PDSS2: variants seen among roughly 807,000 people sequenced by gnomAD.
The protein encoded by PDSS2 is decaprenyl diphosphate synthase subunit 2.
In PDSS2, 31 loss-of-function variants were observed where a neutral mutation model predicts 44.5. The observed-to-expected ratio is 0.70, with a 90% CI of 0.52 to 0.94. PDSS2 has a LOEUF of 0.94. PDSS2 is among the 40% of genes least tolerant of loss of function. PDSS2 has a pLI of 0.00. For missense variants in PDSS2, 452 were observed against 482.2 expected, an observed-to-expected ratio of 0.94 and a Z score of 0.59; for synonymous variants, 157 against 180.3, an observed-to-expected ratio of 0.87 and a Z score of 1.03.
At chr6:107,171,284 C>G (rs1438322365) in intron 7 of PDSS2, among the ~76,000 whole-genome samples, 1 of 152,062 alleles carries the variant, frequency 6.6e-6, no homozygotes, top group African/African-American at 2.4e-5. Context: ...ACTTTAGCCT[C>G]CTGAGTAGCT....
At chr6:107,209,466 T>C (rs534062142) in intron 6 of PDSS2, among the ~76,000 whole-genome samples, 23 of 152,010 alleles carry the variant, frequency 1.5e-4, no homozygotes, top group Admixed American at 1.4e-3. Context: ...TTGGTGAATA[T>C]GAGGAATTTT....
chr6:107,298,993 T>C (rs1005388727), intron 2 of PDSS2, among the ~76,000 whole-genome samples: 7 of 151,726 alleles, frequency 4.6e-5, no homozygotes, highest in African/African-American at 1.7e-4. Flanking sequence ...AATACAAAAA[T>C]TAGCTGGTGT....
intron 1 of PDSS2, among the ~76,000 whole-genome samples, chr6:107,351,014 A>C (rs1327580329): frequency 6.6e-6 from 1 of 152,186 alleles, no homozygotes; most frequent in African/African-American, 2.4e-5. Context: ...AGAAACTAGG[A>C]ATTATACACA....
chr6:107,344,936 A>G lies in PDSS2; in HGVS notation c.297-10604T>C, dbSNP rs191595725. On this transcript the variant is annotated intron_variant, in intron 1 of 7. Transcript: ENST00000369037. ...GGAAAATAGGGCCATTTAAAAAGTAATATTTAGTCACACTGAAAACTCTCA... is the reference window on the plus strand; with the variant it reads ...GGAAAATAGGGCCATTTAAAAAGTAGTATTTAGTCACACTGAAAACTCTCA... 3.3e-4 allele frequency among the ~76,000 whole-genome samples: 51 copies of G among 152,282 alleles called. 1 individual carries two copies. The highest frequency in any genetic ancestry group is 2.8e-3 in the Admixed American group (43 of 15,294).
intron 1 of PDSS2, among the ~76,000 whole-genome samples, chr6:107,449,287 A>T (rs1229920973): frequency 1.3e-5 from 2 of 152,218 alleles, no homozygotes; most frequent in South Asian, 2.1e-4. Context: ...TAGACTTTTT[A>T]AAAAATTGGG....
At chr6:107,218,894 C>T (rs1773505069) in intron 4 of PDSS2, among the ~76,000 whole-genome samples, 1 of 152,048 alleles carries the variant, frequency 6.6e-6, no homozygotes. Context: ...TTTGTCTCTA[C>T]TAAAAATGCA....
At chr6:107,212,809 C>T (rs577930975) in intron 4 of PDSS2, among the ~76,000 whole-genome samples, 50 of 145,614 alleles carry the variant, frequency 3.4e-4, no homozygotes, top group African/African-American at 1.2e-3. Flanking sequence ...AGTTCGAGAC[C>T]AGCCTGGGCA....
intron 1 of PDSS2, among the ~76,000 whole-genome samples, chr6:107,370,451 CCAAA>C (rs568310085): frequency 6.6e-6 from 1 of 152,172 alleles, no homozygotes; most frequent in African/African-American, 2.4e-5. Context: ...AAGAATTTCA[CCAAA>C]CAAAGCTTCT....
chr6:107,281,532 C>T (rs1178390563), intron 2 of PDSS2, among the ~76,000 whole-genome samples: 1 of 152,168 alleles, frequency 6.6e-6, no homozygotes, highest in Non-Finnish European at 1.5e-5. Flanking sequence ...CAGAGACAGT[C>T]CTGTATCATT....
intron 3 of PDSS2, among the ~76,000 whole-genome samples, chr6:107,252,704 G>A (rs1225595460): frequency 6.6e-6 from 1 of 152,172 alleles, no homozygotes; most frequent in Non-Finnish European, 1.5e-5. Flanking sequence ...CGAGGTGGGA[G>A]GATCACTTGA....
chr6:107,312,189 T>G (rs1017883075), intron 2 of PDSS2, among the ~76,000 whole-genome samples: 3 of 152,206 alleles, frequency 2.0e-5, no homozygotes, highest in Admixed American at 6.5e-5. Flanking sequence ...CTCCCTTCCT[T>G]GGTATCCTAC....
At chr6:107,367,382 C>T (rs997676410) in intron 1 of PDSS2, among the ~76,000 whole-genome samples, 1 of 152,102 alleles carries the variant, frequency 6.6e-6, no homozygotes, top group African/African-American at 2.4e-5. Flanking sequence ...AAAAACCTAC[C>T]ACTAACATAA....
intron 7 of PDSS2, among the ~76,000 whole-genome samples, chr6:107,165,189 T>C (rs1771297540): frequency 6.6e-6 from 1 of 152,184 alleles, no homozygotes; most frequent in South Asian, 2.1e-4. Flanking sequence ...TTTGTCAATT[T>C]TGGCTTTTGT....
At chr6:107,234,276 G>A (rs1261233647) in intron 4 of PDSS2, among the ~76,000 whole-genome samples, 1 of 151,736 alleles carries the variant, frequency 6.6e-6, no homozygotes, top group Admixed American at 6.6e-5. Context: ...TGCCATCTCG[G>A]CTCACTGCAA....
chr6:107,356,352 A>G (rs985747156), intron 1 of PDSS2, among the ~76,000 whole-genome samples: 1 of 152,274 alleles, frequency 6.6e-6, no homozygotes, highest in Admixed American at 6.5e-5. Context: ...TGTAATTCTC[A>G]CATTATTTCA....
intron 1 of PDSS2, among the ~76,000 whole-genome samples, chr6:107,365,891 G>C (rs1260977007): frequency 6.6e-6 from 1 of 152,000 alleles, no homozygotes; most frequent in African/African-American, 2.4e-5. Flanking sequence ...GACCCCAAAT[G>C]AAACAAAAAC....
chr6:107,430,233 C>A (rs987518870), intron 1 of PDSS2, among the ~76,000 whole-genome samples: 1 of 152,092 alleles, frequency 6.6e-6, no homozygotes, highest in Admixed American at 6.6e-5. Context: ...GGCACAGTGG[C>A]TCACGCCTGT....
At chr6:107,379,477 C>G (rs980238136) in intron 1 of PDSS2, among the ~76,000 whole-genome samples, 22 of 152,258 alleles carry the variant, frequency 1.4e-4, no homozygotes, top group African/African-American at 4.6e-4. Flanking sequence ...TTTTGTCTGT[C>G]TTATCTTATA....
intron 7 of PDSS2, among the ~76,000 whole-genome samples, chr6:107,188,786 T>C (rs540992294): frequency 7.2e-5 from 11 of 152,340 alleles, no homozygotes; most frequent in Admixed American, 6.5e-4. Context: ...CTAGGTGACA[T>C]GCCCAATACC....
Sources: gnomAD v4.1 joint callset for allele counts (sites outside exome capture counted in the v4.1 genomes callset) on GRCh38, gnomAD v4.1.1 for gene constraint, MANE v1.5 for transcripts, NCBI Gene and HGNC (gene_info 2026-07-23, HGNC 2026-07-21) for gene names.